AFG2A: variants seen among roughly 807,000 people sequenced by gnomAD.
AFG2A encodes the protein ATPase family gene 2 protein homolog A.
chr4:122,929,083 T>C, the AFG2A span: 1 of 1,613,870 alleles, frequency 6.2e-7, no homozygotes, highest in Non-Finnish European at 8.5e-7. Flanking sequence ...GGAGGCAAGG[T>C]CGGCCTGAGT....
chr4:122,968,754 G>A, the AFG2A span, among the ~76,000 whole-genome samples: 1 of 152,092 alleles, frequency 6.6e-6, no homozygotes, highest in Non-Finnish European at 1.5e-5. Context: ...CGTTTTTGTA[G>A]TGATTTTACC....
At chr4:123,170,045 A>G in the AFG2A span, among the ~76,000 whole-genome samples, 9 of 152,300 alleles carry the variant, frequency 5.9e-5, no homozygotes, top group African/African-American at 1.9e-4. Context: ...GGTTCTAACA[A>G]TTGTAATATT....
the AFG2A span, among the ~76,000 whole-genome samples, chr4:123,070,437 A>G: frequency 6.6e-6 from 1 of 152,122 alleles, no homozygotes. Context: ...TAGAAACAAA[A>G]GTTTGTTAGT....
chr4:123,144,401 G>A, the AFG2A span, among the ~76,000 whole-genome samples: 1 of 152,044 alleles, frequency 6.6e-6, no homozygotes, highest in Non-Finnish European at 1.5e-5. Context: ...ATATAGTAAT[G>A]CTAACTGGGC....
At chr4:123,125,052 T>C in the AFG2A span, among the ~76,000 whole-genome samples, 4 of 152,222 alleles carry the variant, frequency 2.6e-5, no homozygotes, top group African/African-American at 9.7e-5. Context: ...TTATTCCAGA[T>C]GTGTTCACAT....
At chr4:123,311,151 CAG>C in the AFG2A span, among the ~76,000 whole-genome samples, 1 of 152,156 alleles carries the variant, frequency 6.6e-6, no homozygotes, top group Non-Finnish European at 1.5e-5. Flanking sequence ...GTTTAAGAGA[CAG>C]GGGAGTACTA....
chr4:122,998,505 C>T, the AFG2A span, among the ~76,000 whole-genome samples: 1 of 151,462 alleles, frequency 6.6e-6, no homozygotes, highest in Non-Finnish European at 1.5e-5. Context: ...TGTTCCCCTT[C>T]CTGTGTCCAT....
the AFG2A span, among the ~76,000 whole-genome samples, chr4:123,242,974 C>G: frequency 6.6e-6 from 1 of 152,186 alleles, no homozygotes; most frequent in African/African-American, 2.4e-5. Flanking sequence ...GACATTTATG[C>G]AGCCAACAGA....
the AFG2A span, chr4:122,923,100 T>A: frequency 1.9e-6 from 3 of 1,610,708 alleles, no homozygotes; most frequent in Admixed American, 1.7e-5. Flanking sequence ...GCGCGCACAT[T>A]GAGTCGGCTT....
the AFG2A span, among the ~76,000 whole-genome samples, chr4:123,111,741 A>C: frequency 2.3e-3 from 347 of 151,482 alleles, no homozygotes; most frequent in African/African-American, 7.3e-3. Context: ...TCTTATTATT[A>C]TTATTATTAT....
At chr4:123,107,739 GC>G in the AFG2A span, among the ~76,000 whole-genome samples, 1 of 152,348 alleles carries the variant, frequency 6.6e-6, no homozygotes, top group African/African-American at 2.4e-5. Context: ...ACCACCCTCA[GC>G]CCTCCTCAGC....
At chr4:123,139,400 T>G in the AFG2A span, among the ~76,000 whole-genome samples, 3 of 152,072 alleles carry the variant, frequency 2.0e-5, no homozygotes, top group Non-Finnish European at 4.4e-5. Flanking sequence ...CACAACCATC[T>G]TTTATTTATT....
At chr4:123,200,772 C>T in the AFG2A span, among the ~76,000 whole-genome samples, 1 of 152,174 alleles carries the variant, frequency 6.6e-6, no homozygotes. Context: ...TCCAAGGCAA[C>T]GTAGCTGTGA....
At chr4:123,191,864 C>T in the AFG2A span, among the ~76,000 whole-genome samples, 2 of 152,094 alleles carry the variant, frequency 1.3e-5, no homozygotes, top group African/African-American at 4.8e-5. Context: ...TATCCTCTCC[C>T]AGTCCTATTT....
At chr4:123,268,815 C>T in the AFG2A span, among the ~76,000 whole-genome samples, 1 of 152,238 alleles carries the variant, frequency 6.6e-6, no homozygotes, top group South Asian at 2.1e-4. Context: ...GGAAGCAGGT[C>T]GTTCAGCACA....
the AFG2A span, among the ~76,000 whole-genome samples, chr4:123,284,766 T>C: frequency 6.6e-6 from 1 of 152,178 alleles, no homozygotes; most frequent in African/African-American, 2.4e-5. Flanking sequence ...GAAAATGTAA[T>C]GTAACCCTTC....
At chr4:123,128,929 ATGCT>A in the AFG2A span, among the ~76,000 whole-genome samples, 1 of 152,196 alleles carries the variant, frequency 6.6e-6, no homozygotes, top group Non-Finnish European at 1.5e-5. Flanking sequence ...AAGGTTTAAA[ATGCT>A]TGTTAATAAT....
the AFG2A span, among the ~76,000 whole-genome samples, chr4:122,930,999 A>G: frequency 1.3e-5 from 2 of 152,212 alleles, no homozygotes; most frequent in Non-Finnish European, 2.9e-5. Context: ...AGTTGGGAAA[A>G]TCAGTCATTT....
At chr4:122,968,419 CCT>C in the AFG2A span, among the ~76,000 whole-genome samples, 1 of 152,184 alleles carries the variant, frequency 6.6e-6, no homozygotes, top group Non-Finnish European at 1.5e-5. Flanking sequence ...CTTCCTGGTA[CCT>C]CTCTCAGACC....
Sources: gnomAD v4.1 joint callset for allele counts (sites outside exome capture counted in the v4.1 genomes callset) on GRCh38, gnomAD v4.1.1 for gene constraint, MANE v1.5 for transcripts, NCBI Gene and HGNC (gene_info 2026-07-23, HGNC 2026-07-21) for gene names.